The following NBEA variants were observed in gnomAD, a reference collection of about 807,000 sequenced individuals.
NBEA encodes the protein lysosomal-trafficking regulator 2.
A neutral mutation model predicts 343.4 loss-of-function variants in NBEA; 44 were observed. The observed-to-expected ratio is 0.13, with a 90% CI of 0.10 to 0.16. The LOEUF is 0.16. Among genes scored for constraint, NBEA ranks in the 10% least tolerant of loss-of-function variants. The pLI, the probability that NBEA is intolerant of heterozygous loss-of-function variation, is 1.00. For missense variants in NBEA, 2,555 were observed against 3,631.3 expected, an observed-to-expected ratio of 0.70 and a Z score of 7.62; for synonymous variants, 1,175 against 1,238.7, an observed-to-expected ratio of 0.95 and a Z score of 1.08.
intron 41 of NBEA, among the ~76,000 whole-genome samples, chr13:35,532,404 A>G (rs973371755): frequency 1.3e-5 from 2 of 152,128 alleles, no homozygotes; most frequent in Non-Finnish European, 2.9e-5. Flanking sequence ...ATTTTTCCAT[A>G]TATATTCAAA....
intron 38 of NBEA, among the ~76,000 whole-genome samples, chr13:35,417,755 T>C (rs1462716534): frequency 6.6e-6 from 1 of 152,186 alleles, no homozygotes; most frequent in Non-Finnish European, 1.5e-5. Context: ...TTAGGTCCTC[T>C]TGGTGCAGAG....
Position 35,242,112 on chromosome 13 carries a change from A to T in NBEA, c.5776+9493A>T, listed in dbSNP as rs545669807. Among the ~76,000 whole-genome samples, 83 of 152,072 alleles carry T rather than the reference A, an allele frequency of 5.5e-4. 1 individual carries two copies. The highest frequency in any genetic ancestry group is 6.8e-3 in the Middle Eastern group (2 of 294). On this transcript the variant is annotated intron_variant, in intron 34 of 58. Coordinates refer to ENST00000379939, the MANE Select transcript of NBEA (RefSeq NM_001385012.1). ...CTCTGACTTCTTTTAAAAATAATTT[A>T]AAACAACTGTCTTTAATATGCCTAT...
At chr13:35,087,187 T>C (rs1330885758) in intron 10 of NBEA, among the ~76,000 whole-genome samples, 1 of 151,698 alleles carries the variant, frequency 6.6e-6, no homozygotes, top group Non-Finnish European at 1.5e-5. Context: ...ATTATAGTTG[T>C]CTGTACTTTT....
intron 1 of NBEA, among the ~76,000 whole-genome samples, chr13:34,985,488 G>T (rs1364618314): frequency 2.0e-5 from 3 of 151,028 alleles, no homozygotes; most frequent in Non-Finnish European, 4.4e-5. Flanking sequence ...AGGGATATTG[G>T]TCTAAAATTC....
intron 30 of NBEA, 102 bp from the exon 31 acceptor site, chr13:35,195,762 A>C (rs536378389): frequency 1.8e-6 from 2 of 1,104,532 alleles, no homozygotes; most frequent in African/African-American, 3.2e-5. Context: ...TTTTGTTTCT[A>C]CAGGTTTTGT....
At chr13:35,405,105 T>C (rs1463874519) in intron 38 of NBEA, among the ~76,000 whole-genome samples, 1 of 152,186 alleles carries the variant, frequency 6.6e-6, no homozygotes, top group Non-Finnish European at 1.5e-5. Context: ...TTAAAAATTG[T>C]TATGTTTGAA....
rs1593247597 is a variant in NBEA at position 35,070,665 on chromosome 13, A to G, written c.1438-54A>G. On this transcript the variant is annotated intron_variant, in intron 9 of 58. Transcript: ENST00000379939. ...ATAAAGGTATTTGGAACAAGGAAATAGTGATGAAATCATTCTATAGAAGTT... is the reference window on the plus strand; with the variant it reads ...ATAAAGGTATTTGGAACAAGGAAATGGTGATGAAATCATTCTATAGAAGTT... 2.8e-6 allele frequency: 4 copies of G among 1,433,130 alleles called. No homozygotes were observed. In the East Asian group the frequency reaches 7.0e-5, roughly 25 times the overall value. 88.8% of individuals were successfully genotyped at this position (1,433,130 alleles called of 1,614,324 possible). A position where few individuals can be genotyped will look rare whatever the true frequency, so the allele number is the denominator to read the frequency against.
chr13:35,115,156 A>G (rs1041110572), intron 13 of NBEA, among the ~76,000 whole-genome samples: 2 of 151,720 alleles, frequency 1.3e-5, no homozygotes, highest in Non-Finnish European at 2.9e-5. Flanking sequence ...AAATGTTACT[A>G]CTCTCCCAGG....
At chr13:35,471,999 T>C (rs2075672003) in intron 40 of NBEA, among the ~76,000 whole-genome samples, 1 of 152,132 alleles carries the variant, frequency 6.6e-6, no homozygotes, top group Non-Finnish European at 1.5e-5. Context: ...GTGGAACGGC[T>C]TCGCGCGATG....
At chr13:35,077,268 A>G (rs1209866508) in intron 10 of NBEA, among the ~76,000 whole-genome samples, 1 of 152,076 alleles carries the variant, frequency 6.6e-6, no homozygotes, top group African/African-American at 2.4e-5. Flanking sequence ...CTTGCCTTCA[A>G]TTTAGGCTTA....
chr13:35,021,982 T>TA (rs2061859186), intron 1 of NBEA, among the ~76,000 whole-genome samples: 2 of 152,188 alleles, frequency 1.3e-5, no homozygotes, highest in African/African-American at 4.8e-5. Flanking sequence ...TGAAGTTACT[T>TA]ACATTTCTCA....
At chr13:34,997,434 T>G (rs1300903729) in intron 1 of NBEA, among the ~76,000 whole-genome samples, 1 of 146,406 alleles carries the variant, frequency 6.8e-6, no homozygotes, top group Non-Finnish European at 1.6e-5. Flanking sequence ...TCTTCCTTAT[T>G]ATTATTTCCC....
intron 41 of NBEA, among the ~76,000 whole-genome samples, chr13:35,543,140 A>G (rs2078910683): frequency 6.6e-6 from 1 of 152,194 alleles, no homozygotes; most frequent in Admixed American, 6.5e-5. Context: ...CAGCATAAAT[A>G]TATTGTGAAC....
chr13:35,345,347 A>G (rs573933178), intron 36 of NBEA, among the ~76,000 whole-genome samples: 2 of 152,262 alleles, frequency 1.3e-5, no homozygotes, highest in East Asian at 3.9e-4. Context: ...TGGCATATAT[A>G]CATATGTGAG....
chr13:35,362,803 A>G (rs2040886904), intron 38 of NBEA, among the ~76,000 whole-genome samples: 1 of 152,016 alleles, frequency 6.6e-6, no homozygotes, highest in African/African-American at 2.4e-5. Context: ...AAGAGTTCTT[A>G]AACTCACTGT....
intron 36 of NBEA, among the ~76,000 whole-genome samples, chr13:35,313,454 T>C (rs2037504984): frequency 6.6e-6 from 1 of 152,196 alleles, no homozygotes; most frequent in Non-Finnish European, 1.5e-5. Flanking sequence ...TGAATATTTA[T>C]TGAAAGCATA....
intron 38 of NBEA, among the ~76,000 whole-genome samples, chr13:35,360,896 C>A (rs753328194): frequency 6.6e-6 from 1 of 151,862 alleles, no homozygotes; most frequent in Non-Finnish European, 1.5e-5. Context: ...ACTGAATCAT[C>A]AGAAGAAGAG....
intron 34 of NBEA, among the ~76,000 whole-genome samples, chr13:35,277,161 A>G (rs2034644575): frequency 6.6e-6 from 1 of 152,136 alleles, no homozygotes; most frequent in South Asian, 2.1e-4. Context: ...CTTTGTTTCC[A>G]ACTATATTCT....
At chr13:35,060,384 T>C (rs944054786) in intron 8 of NBEA, among the ~76,000 whole-genome samples, 2 of 151,804 alleles carry the variant, frequency 1.3e-5, no homozygotes, top group Admixed American at 1.3e-4. Context: ...TTTTCACACG[T>C]CTTTCTTGTC....
Sources: allele counts gnomAD v4.1 joint callset (sites outside exome capture counted in the v4.1 genomes callset), GRCh38; gene constraint gnomAD v4.1.1; transcripts MANE v1.5; gene names NCBI Gene and HGNC (gene_info 2026-07-23, HGNC 2026-07-21).